Variants in TMEM266 observed in about 807,000 individuals in gnomAD.
TMEM266 encodes the protein transmembrane protein 266.
In TMEM266, 33 loss-of-function variants were observed where a neutral mutation model predicts 50.5. That is an observed-to-expected ratio of 0.65 (90% confidence interval 0.50 to 0.87). The LOEUF (loss-of-function observed/expected upper bound fraction) is 0.87, where lower values mean the gene tolerates loss of function less well. Among genes scored for constraint, TMEM266 ranks in the 40% least tolerant of loss-of-function variants. The probability of loss-of-function intolerance (pLI) is 0.00; values close to 1 mark genes in which losing one functional copy is unlikely to be tolerated. For synonymous variants in TMEM266, 310 were observed against 292.3 expected (o/e 1.06, Z -0.62); for missense variants, 655 against 695.1 (o/e 0.94, Z 0.65).
chr15:76,152,921 G>C (rs1330346417), intron 3 of TMEM266, among the ~76,000 whole-genome samples: 13 of 152,214 alleles, frequency 8.5e-5, no homozygotes, highest in Non-Finnish European at 2.9e-5. Flanking sequence ...TGGTGGGGGC[G>C]GCGTTCATTT....
intron 9 of TMEM266, 47 bp downstream of exon 9, chr15:76,192,204 C>T: frequency 1.4e-6 from 2 of 1,382,262 alleles, no homozygotes; most frequent in Non-Finnish European, 1.9e-6. Flanking sequence ...GGCCGGGGAT[C>T]CCCCTCGCCT....
intron 1 of TMEM266, among the ~76,000 whole-genome samples, chr15:76,106,448 GT>G (rs2037081897): frequency 2.0e-5 from 3 of 151,900 alleles, no homozygotes; most frequent in South Asian, 2.1e-4. Flanking sequence ...GGGGGTTTTG[GT>G]TTTTTTAGAG....
intron 1 of TMEM266, among the ~76,000 whole-genome samples, chr15:76,130,125 T>C (rs2037483705): frequency 7.3e-6 from 1 of 137,894 alleles, no homozygotes; most frequent in Non-Finnish European, 1.5e-5. Context: ...GGGCTGATGG[T>C]GGGGGGATCA....
At chr15:76,108,795 A>C (rs1445335608) in intron 1 of TMEM266, among the ~76,000 whole-genome samples, 1 of 152,162 alleles carries the variant, frequency 6.6e-6, no homozygotes, top group Admixed American at 6.6e-5. Context: ...CCCTGTACAC[A>C]ATGTTACATT....
At chr15:76,133,287 T>G (rs12442982) in intron 1 of TMEM266, among the ~76,000 whole-genome samples, 14,070 of 151,886 alleles carry the variant, frequency 0.093, 982 homozygotes, top group Admixed American at 0.21. Flanking sequence ...TACAAAAACA[T>G]TAGCTGGACG....
At chr15:76,184,704 C>T (rs1269205694) in intron 8 of TMEM266, among the ~76,000 whole-genome samples, 2 of 152,176 alleles carry the variant, frequency 1.3e-5, no homozygotes, top group Non-Finnish European at 2.9e-5. Flanking sequence ...GGCGGAGAAG[C>T]GCTGGGTGTG....
chr15:76,134,093 C>A, intron 1 of TMEM266, 75 bp from the exon 2 acceptor site: 1 of 592,410 alleles, frequency 1.7e-6, no homozygotes, highest in African/African-American at 1.9e-5. Flanking sequence ...GTTCTAAGGA[C>A]TCCCATTTTT....
chr15:76,129,688 G>A (rs1200305560), intron 1 of TMEM266, among the ~76,000 whole-genome samples: 3 of 151,734 alleles, frequency 2.0e-5, no homozygotes, highest in Non-Finnish European at 1.5e-5. Context: ...AACTGCTAAG[G>A]AAATATAATC....
chr15:76,143,186 C>A (rs1377017445), intron 3 of TMEM266, among the ~76,000 whole-genome samples: 1 of 152,196 alleles, frequency 6.6e-6, no homozygotes. Context: ...CAGTTACCTC[C>A]TCACCCCATG....
At chr15:76,169,361 A>G (rs1261977738) in intron 5 of TMEM266, among the ~76,000 whole-genome samples, 1 of 152,082 alleles carries the variant, frequency 6.6e-6, no homozygotes, top group Non-Finnish European at 1.5e-5. Flanking sequence ...AAGGGAGTCA[A>G]CTGCGTTTTT....
intron 1 of TMEM266, among the ~76,000 whole-genome samples, chr15:76,072,301 G>A (rs1333041570): frequency 6.6e-6 from 1 of 152,024 alleles, no homozygotes; most frequent in Non-Finnish European, 1.5e-5. Context: ...AGCAGGGTGT[G>A]GTGGTGCATG....
chr15:76,190,075 TTAAAA>T (rs1298654942), intron 8 of TMEM266, among the ~76,000 whole-genome samples: 3 of 152,108 alleles, frequency 2.0e-5, no homozygotes, highest in Non-Finnish European at 4.4e-5. Context: ...CAACAAAATA[TTAAAA>T]TAAATACACA....
At chr15:76,169,707 CT>C in intron 5 of TMEM266, 108 bp from the exon 6 acceptor site, 3 of 1,283,606 alleles carry the variant, frequency 2.3e-6, no homozygotes, top group Non-Finnish European at 3.4e-6. Context: ...TGGCGGAGAC[CT>C]TTTCCTTTTA....
At chr15:76,074,161 A>T (rs890372665) in intron 1 of TMEM266, among the ~76,000 whole-genome samples, 1 of 152,128 alleles carries the variant, frequency 6.6e-6, no homozygotes, top group Non-Finnish European at 1.5e-5. Flanking sequence ...CTATAATCCT[A>T]CTACCCATAG....
At chr15:76,089,381 G>A (rs1361028626) in intron 1 of TMEM266, among the ~76,000 whole-genome samples, 1 of 151,868 alleles carries the variant, frequency 6.6e-6, no homozygotes, top group Non-Finnish European at 1.5e-5. Flanking sequence ...TTTTAGTAGA[G>A]ACGGGGTTTC....
chr15:76,075,975 A>C (rs12917476), intron 1 of TMEM266, among the ~76,000 whole-genome samples: 1 of 148,760 alleles, frequency 6.7e-6, no homozygotes, highest in Admixed American at 6.7e-5. Context: ...TCCTCCCTCA[A>C]CCCCCCGAGT....
intron 1 of TMEM266, among the ~76,000 whole-genome samples, chr15:76,068,115 C>T (rs1369814034): frequency 6.6e-6 from 1 of 152,198 alleles, no homozygotes; most frequent in Non-Finnish European, 1.5e-5. Context: ...TGACAGTCAT[C>T]ATTATGTTCT....
chr15:76,079,946 C>T (rs2036662132), intron 1 of TMEM266, among the ~76,000 whole-genome samples: 1 of 151,892 alleles, frequency 6.6e-6, no homozygotes, highest in Non-Finnish European at 1.5e-5. Flanking sequence ...ATGAGGTCAA[C>T]AACAGCACAG....
intron 5 of TMEM266, among the ~76,000 whole-genome samples, chr15:76,166,291 C>T (rs1567173536): frequency 6.6e-6 from 1 of 152,090 alleles, no homozygotes; most frequent in Admixed American, 6.6e-5. Flanking sequence ...TGGCCTTGAC[C>T]CTGACCTGGA....
Sources: gnomAD v4.1 joint callset for allele counts (sites outside exome capture counted in the v4.1 genomes callset) on GRCh38, gnomAD v4.1.1 for gene constraint, MANE v1.5 for transcripts, NCBI Gene and HGNC (gene_info 2026-07-23, HGNC 2026-07-21) for gene names.